Variants in GLS observed in about 807,000 individuals in gnomAD.
GLS encodes glutaminase.
Under a neutral mutation model 86.7 loss-of-function variants are expected in GLS, and 36 were observed. The ratio of observed to expected loss-of-function variants is 0.42; its 90% confidence interval spans 0.32 to 0.55. The LOEUF (loss-of-function observed/expected upper bound fraction) is 0.55. Among genes scored for constraint, GLS ranks in the 20% least tolerant of loss-of-function variants. The pLI, the probability that GLS is intolerant of heterozygous loss-of-function variation, is 0.17. For synonymous variants in GLS, 317 were observed against 305.9 expected (o/e 1.04, Z -0.38); for missense variants, 528 against 833.4 (o/e 0.63, Z 4.51).
chr2:190,934,667 A>C (rs1334962383), intron 14 of GLS: 1 of 979,906 alleles, frequency 1.0e-6, no homozygotes, highest in Non-Finnish European at 1.2e-6. Context: ...GTTTTACTTT[A>C]TTAAATGAAG....
rs527806999 is a variant in GLS, at chr2:190,895,518, T to C, written c.484-86T>C. 1.3e-5 allele frequency: 12 copies of C among 938,360 alleles called. No homozygotes were observed. In the South Asian group the frequency reaches 2.1e-4, roughly 16 times the overall value. 58.1% of individuals were successfully genotyped at this position (938,360 alleles called of 1,614,324 possible). A position where few individuals can be genotyped will look rare whatever the true frequency, so the allele number is the denominator to read the frequency against. On this transcript the variant is annotated intron_variant, in intron 2 of 17. Transcript: ENST00000320717. This position sits in a 1 kb window ranked among gnomAD's most constrained non-coding sequence, Gnocchi z 4.2. ...TTCAAGTGTTGGGTAGAAGTTTTTA[T>C]ATACAGGAATAAAATCTTATAGTTG...
At position 190,881,074 on chromosome 2, in the gene GLS, G is replaced by A. The variant is rs1298231966; in HGVS notation, c.-11G>A. ...CTCCCCTGTTGAGCGGGCGCTGACG[G>A]ACCCGGCGGCATGATGCGGCTGCGA... On this transcript the variant is annotated 5_prime_UTR_variant, in exon 1 of 18. Coordinates refer to ENST00000320717, the MANE Select transcript of GLS (RefSeq NM_014905.5). The A allele has an allele frequency of 1.3e-6, 2 of 1,550,608 alleles. No individual in the cohort carries two copies. Among genetic ancestry groups the A allele is most frequent in the Non-Finnish European group, 8.7e-7 (1 of 1,155,212 alleles).
At chr2:190,948,933 C>G (rs1177529581) in intron 14 of GLS, among the ~76,000 whole-genome samples, 1 of 152,088 alleles carries the variant, frequency 6.6e-6, no homozygotes, top group Non-Finnish European at 1.5e-5. Context: ...GTCCCTAGCA[C>G]ATGCTGTCAC....
chr2:190,881,785 C>T (rs976321164), intron 1 of GLS: 1 of 267,318 alleles, frequency 3.7e-6, no homozygotes, highest in African/African-American at 2.2e-5. Context: ...CCTGCCCGCG[C>T]TGCGTGCTCA....
At chr2:190,890,779 ATTGTG>A (rs1311073444) in intron 1 of GLS, among the ~76,000 whole-genome samples, 2 of 152,142 alleles carry the variant, frequency 1.3e-5, no homozygotes, top group Non-Finnish European at 2.9e-5. Flanking sequence ...ATCCTTTTGT[ATTGTG>A]TTATTATTAG....
Position 190,955,651 on chromosome 2 carries a change from G to T in GLS, c.1853+833G>T, listed in dbSNP as rs1194390326. ...TCTTTTGGGTATATACCCAGTAATG[G>T]GATTGCTGGATCAAATGGTATTTCT... On this transcript the variant is annotated intron_variant, in intron 17 of 17. Coordinates refer to ENST00000320717, the MANE Select transcript of GLS (RefSeq NM_014905.5). This position sits in a 1 kb window ranked among gnomAD's most constrained non-coding sequence, Gnocchi z 5.6. 6.6e-6 allele frequency among the ~76,000 whole-genome samples: 1 copy of T among 152,128 alleles called. No individual in the cohort carries two copies. The highest frequency in any genetic ancestry group is 1.5e-5 in the Non-Finnish European group (1 of 68,022).
intron 6 of GLS, among the ~76,000 whole-genome samples, chr2:190,907,307 TCTCGGCTC>T (rs1327896935): frequency 3.3e-4 from 48 of 146,918 alleles, no homozygotes; most frequent in East Asian, 6.3e-4. Context: ...AGTGGCGCAA[TCTCGGCTC>T]GGCGCAATCT....
In GLS at chr2:190,930,345, A is replaced by G. The variant is rs1433377204; in HGVS notation, c.1426-92A>G. 3 of 952,720 alleles carry G rather than the reference A, an allele frequency of 3.1e-6. No homozygotes were observed. The Admixed American group carries it at 5.7e-5, about 18-fold the overall frequency. The allele number at this position is 952,720 out of a possible 1,614,324, so 59.0% of individuals were successfully genotyped here. A position where few individuals can be genotyped will look rare whatever the true frequency, so the allele number is the denominator to read the frequency against. On this transcript the variant is annotated intron_variant, in intron 12 of 17. Coordinates refer to ENST00000320717, the MANE Select transcript of GLS (RefSeq NM_014905.5). This position sits in a 1 kb window ranked among gnomAD's most constrained non-coding sequence, Gnocchi z 5.0. Reference sequence around the variant, plus strand: ...AGTGCTGAGATTACAGGAGTGAGCCATGGTGCCCAGCCCCAGTTTCCCTAT... The same window carrying G: ...AGTGCTGAGATTACAGGAGTGAGCCGTGGTGCCCAGCCCCAGTTTCCCTAT...
intron 6 of GLS, among the ~76,000 whole-genome samples, chr2:190,907,475 C>T (rs963987793): frequency 1.3e-5 from 2 of 151,910 alleles, no homozygotes; most frequent in East Asian, 1.9e-4. Flanking sequence ...AGGCTGGTCG[C>T]GAACTCCCAA....
intron 6 of GLS, among the ~76,000 whole-genome samples, chr2:190,908,930 A>T (rs1689254919): frequency 6.6e-6 from 1 of 152,240 alleles, no homozygotes; most frequent in South Asian, 2.1e-4. Flanking sequence ...CATTTATGTG[A>T]TACCATTTGG....
At chr2:190,933,348 A>C in intron 14 of GLS, 2 of 892,386 alleles carry the variant, frequency 2.2e-6, no homozygotes, top group African/African-American at 3.6e-5. Context: ...TGAACCCCAA[A>C]TTATTTTATT....
Position 190,956,297 on chromosome 2 carries a change from T to C in GLS, c.1853+1479T>C, listed in dbSNP as rs1690859905. Reference sequence around the variant, plus strand: ...TTAATCCATCTTGAGTTAATTTTTGTATAAGGTGAAAGGAAGGGGTCCAGG... The same window carrying C: ...TTAATCCATCTTGAGTTAATTTTTGCATAAGGTGAAAGGAAGGGGTCCAGG... On this transcript the variant is annotated intron_variant, in intron 17 of 17. Transcript: ENST00000320717. The surrounding 1 kb of genome is among the most constrained non-coding windows in gnomAD (Gnocchi z 4.2). Among the ~76,000 whole-genome samples the C allele has an allele frequency of 6.6e-6, 1 of 152,238 alleles. No individual in the cohort carries two copies. The highest frequency in any genetic ancestry group is 2.1e-4 in the South Asian group (1 of 4,838).
intron 3 of GLS, among the ~76,000 whole-genome samples, chr2:190,898,280 T>C (rs550540182): frequency 1.3e-5 from 2 of 152,214 alleles, no homozygotes; most frequent in Admixed American, 1.3e-4. Flanking sequence ...TTTTTAGTTA[T>C]AAACACTTAA....
In GLS at chr2:190,949,233, G is replaced by T. The variant is rs1034678547; in HGVS notation, c.1651-4332G>T. 1.3e-5 allele frequency among the ~76,000 whole-genome samples: 2 copies of T among 152,072 alleles called. No individual in the cohort carries two copies. Among genetic ancestry groups the T allele is most frequent in the African/African-American group, 4.8e-5 (2 of 41,380 alleles). On this transcript the variant is annotated intron_variant, in intron 14 of 17. Transcript: ENST00000320717. The surrounding 1 kb of genome is among the most constrained non-coding windows in gnomAD (Gnocchi z 4.0). ...TTAAATGTTATCAGGAATGATTTTG[G>T]GTTTCTTGATACTCCGCTGCTTAGA...
chr2:190,947,107 A>G lies in GLS; in HGVS notation c.1651-6458A>G, dbSNP rs1464972070. 1.3e-5 allele frequency among the ~76,000 whole-genome samples: 2 copies of G among 152,238 alleles called. No individual in the cohort carries two copies. Among genetic ancestry groups the G allele is most frequent in the Admixed American group, 1.3e-4 (2 of 15,274 alleles). ...CAGAGTAATGTGAGTATATAATTCT[A>G]ATAATTGCTACTTACTCATAAGTAC... On this transcript the variant is annotated intron_variant, in intron 14 of 17. Coordinates refer to ENST00000320717, the MANE Select transcript of GLS (RefSeq NM_014905.5). This position sits in a 1 kb window ranked among gnomAD's most constrained non-coding sequence, Gnocchi z 5.0.
In GLS at chr2:190,889,493, T is replaced by C. The variant is rs1395383322; in HGVS notation, c.387-5659T>C. Among the ~76,000 whole-genome samples the C allele has an allele frequency of 3.9e-5, 6 of 152,368 alleles. No individual in the cohort carries two copies. The East Asian group carries it at 1.2e-3, about 29-fold the overall frequency. ...CTGAAGTTTTTCATTAACTTCTACC[T>C]ATATATGTTAGTTATTCTGAACAAG... On this transcript the variant is annotated intron_variant, in intron 1 of 17. Coordinates refer to ENST00000320717, the MANE Select transcript of GLS (RefSeq NM_014905.5).
At chr2:190,898,775 G>C (rs1688839788) in intron 3 of GLS, among the ~76,000 whole-genome samples, 1 of 152,142 alleles carries the variant, frequency 6.6e-6, no homozygotes, top group Non-Finnish European at 1.5e-5. Flanking sequence ...GGGATTACAG[G>C]CATGCACCAC....
intron 6 of GLS, 24 bp from the exon 7 acceptor site, chr2:190,910,239 T>C: frequency 7.6e-7 from 1 of 1,315,856 alleles, no homozygotes; most frequent in South Asian, 1.3e-5. Flanking sequence ...TTTGAAATAA[T>C]GGTATTGCTT....
At position 190,962,869 on chromosome 2, in the gene GLS, A is replaced by G. The variant is rs1691036269; in HGVS notation, c.1893A>G (p.Gly631=). 1 of 1,592,730 alleles carries G rather than the reference A, an allele frequency of 6.3e-7. No homozygotes were observed. The highest frequency in any genetic ancestry group is 1.9e-5 in the Admixed American group (1 of 53,962). ...NTPMDEALHF[G]HHDVFKILQE... Reference sequence around the variant, plus strand: ...CCATGGATGAAGCACTGCACTTTGGACACCATGATGTATTTAAAATTCTCC... The same window carrying G: ...CCATGGATGAAGCACTGCACTTTGGGCACCATGATGTATTTAAAATTCTCC... The change falls in exon 18 of 18, where the codon GGA becomes GGG. Residue 631 remains glycine, a synonymous_variant. Coordinates refer to ENST00000320717, the MANE Select transcript of GLS (RefSeq NM_014905.5). This position sits in a 1 kb window ranked among gnomAD's most constrained non-coding sequence, Gnocchi z 4.2.
Sources: gnomAD v4.1 joint callset for allele counts (sites outside exome capture counted in the v4.1 genomes callset) on GRCh38, gnomAD v4.1.1 for gene constraint, Gnocchi (gnomAD v3.1) non-coding constraint, MANE v1.5 for transcripts, NCBI Gene and HGNC (gene_info 2026-07-23, HGNC 2026-07-21) for gene names.